Variants in CFAP221 observed in about 807,000 individuals in gnomAD.
CFAP221 encodes the protein cilia- and flagella-associated protein 221.
Under a neutral mutation model 113.1 loss-of-function variants are expected in CFAP221, and 97 were observed. That is an observed-to-expected ratio of 0.86 (90% CI 0.73 to 1.02). CFAP221 has a LOEUF of 1.02. Among genes scored for constraint, CFAP221 ranks in the 50% least tolerant of loss-of-function variants. The pLI, the probability that CFAP221 is intolerant of heterozygous loss-of-function variation, is 0.00. For synonymous variants in CFAP221, 331 were observed against 354.4 expected (o/e 0.93, Z 0.74); for missense variants, 1,025 against 1,013.4 (o/e 1.01, Z -0.16).
At chr2:119,556,543 C>A (rs1465949760) in intron 3 of CFAP221, among the ~76,000 whole-genome samples, 1 of 150,432 alleles carries the variant, frequency 6.6e-6, no homozygotes, top group Non-Finnish European at 1.5e-5. Flanking sequence ...TTTCTTATTG[C>A]TAAATTTTTT....
At chr2:119,570,464 CATGCA>C (rs1681965035) in intron 6 of CFAP221, among the ~76,000 whole-genome samples, 1 of 152,202 alleles carries the variant, frequency 6.6e-6, no homozygotes, top group Non-Finnish European at 1.5e-5. Flanking sequence ...ACTATCACCA[CATGCA>C]AGTTTAGAAC....
intron 21 of CFAP221, among the ~76,000 whole-genome samples, chr2:119,645,031 G>A (rs1232330871): frequency 1.7e-5 from 2 of 119,260 alleles, no homozygotes; most frequent in Non-Finnish European, 3.2e-5. Context: ...CTTTGGGTAT[G>A]TAGTCAAATA....
rs867039235 is a variant in CFAP221, at chr2:119,562,695, G to C, written c.527+581G>C. On this transcript the variant is annotated intron_variant, in intron 6 of 23. Transcript: ENST00000413369. ...CCTTTTTTTGGTGAATGATTCCAAT[G>C]TAATTTAAGGAATGTCTTGTTCTTT... 5.9e-5 allele frequency among the ~76,000 whole-genome samples: 9 copies of C among 152,298 alleles called. No individual in the cohort carries two copies. In the Middle Eastern group the frequency reaches 0.017, roughly 288 times the overall value.
At chr2:119,659,935 A>G (rs946419631), downstream of CFAP221, among the ~76,000 whole-genome samples, 3 of 152,196 alleles carry the variant, frequency 2.0e-5, no homozygotes, top group African/African-American at 7.2e-5. Context: ...GCTTAATACC[A>G]TGCTGTGCAC....
intron 17 of CFAP221, among the ~76,000 whole-genome samples, chr2:119,630,228 TATAAG>T (rs1686672519): frequency 1.3e-5 from 2 of 152,256 alleles, no homozygotes; most frequent in African/African-American, 2.4e-5. Context: ...CAAGAAAAAA[TATAAG>T]ATAAAGTGAG....
At chr2:119,651,034 A>G (rs890051535) in intron 22 of CFAP221, among the ~76,000 whole-genome samples, 2 of 152,220 alleles carry the variant, frequency 1.3e-5, no homozygotes, top group Non-Finnish European at 2.9e-5. Context: ...CACTGAAACT[A>G]GAGGCTAAGT....
At chr2:119,571,061 TC>T (rs1470877966) in intron 6 of CFAP221, among the ~76,000 whole-genome samples, 2 of 149,852 alleles carry the variant, frequency 1.3e-5, no homozygotes, top group Non-Finnish European at 3.0e-5. Flanking sequence ...CATGGTGAAA[TC>T]CCATCTCCAC....
At chr2:119,611,262 G>T (rs1685139075) in intron 12 of CFAP221, among the ~76,000 whole-genome samples, 2 of 151,910 alleles carry the variant, frequency 1.3e-5, no homozygotes, top group Non-Finnish European at 2.9e-5. Context: ...TAAGTGTCTT[G>T]GAAATAATTT....
chr2:119,631,790 A>C (rs903623944), intron 19 of CFAP221, among the ~76,000 whole-genome samples: 8 of 152,210 alleles, frequency 5.3e-5, no homozygotes, highest in Admixed American at 5.2e-4. Flanking sequence ...AAAAAGGCAA[A>C]AGGCACAAAT....
chr2:119,632,373 GTT>G (rs1260998241), intron 19 of CFAP221, among the ~76,000 whole-genome samples: 2 of 152,274 alleles, frequency 1.3e-5, no homozygotes, highest in African/African-American at 4.8e-5. Context: ...ACTCACTGTA[GTT>G]TACATATAAC....
intron 8 of CFAP221, chr2:119,602,490 G>A (rs1684432873): frequency 2.5e-6 from 1 of 392,170 alleles, no homozygotes. Context: ...TTTGCGCATG[G>A]ATACACATCA....
rs186582879 is a variant in CFAP221 at position 119,548,562 on chromosome 2, C to T, written c.140-523C>T. On this transcript the variant is annotated intron_variant, in intron 2 of 23. Transcript: ENST00000413369. Reference sequence around the variant, plus strand: ...GACACCAAAAGCAGTTTGAGACTTACTGTTCCGAGTGATAACTTTTCAGAG... The same window carrying T: ...GACACCAAAAGCAGTTTGAGACTTATTGTTCCGAGTGATAACTTTTCAGAG... 2.1e-3 allele frequency among the ~76,000 whole-genome samples: 327 copies of T among 152,338 alleles called. 4 individuals carry two copies. The highest frequency in any genetic ancestry group is 2.0e-3 in the Non-Finnish European group (135 of 68,026).
intron 6 of CFAP221, among the ~76,000 whole-genome samples, chr2:119,567,834 C>G (rs1268750289): frequency 2.6e-5 from 4 of 152,020 alleles, no homozygotes; most frequent in African/African-American, 9.7e-5. Context: ...TAATTGTTGC[C>G]CTTGTACTTT....
In CFAP221 at chr2:119,610,997, CA is replaced by C. The variant is rs1685111994; in HGVS notation, c.1222-655del. 2.0e-5 allele frequency among the ~76,000 whole-genome samples: 3 copies of C among 152,196 alleles called. No homozygotes were observed. In the South Asian group the frequency reaches 6.2e-4, roughly 32 times the overall value. On this transcript the variant is annotated intron_variant, in intron 12 of 23. Transcript: ENST00000413369. ...AAGGGCCCAGGCGTCATCAGGGAAG[CA>C]GGCAGGTGAAGGAAGGAGAGCAGTC...
intron 20 of CFAP221, 79 bp from the exon 21 acceptor site, chr2:119,639,702 A>G: frequency 8.7e-7 from 1 of 1,153,876 alleles, no homozygotes. Flanking sequence ...AGTCTGAAAA[A>G]TAGTTGAATA....
Position 119,552,727 on chromosome 2 carries a change from T to C in CFAP221, c.240+3542T>C, listed in dbSNP as rs1359484290. 4.7e-5 allele frequency among the ~76,000 whole-genome samples: 4 copies of C among 84,550 alleles called. 2 individuals are homozygous for C. The highest frequency in any genetic ancestry group is 1.9e-4 in the African/African-American group (4 of 21,380). The allele number at this position is 84,550 out of a possible 152,430, so 55.5% of individuals were successfully genotyped here. A position where few individuals can be genotyped will look rare whatever the true frequency, so the allele number is the denominator to read the frequency against. On this transcript the variant is annotated intron_variant, in intron 3 of 23. Coordinates refer to ENST00000413369, the MANE Select transcript of CFAP221 (RefSeq NM_001271049.2). ...GAAATAAATAGAAATATTTCTTTCT[T>C]TAATAAGAAATAAATAGAAATATTT...
At chr2:119,658,335 GTTA>G (rs1341855863), downstream of CFAP221, among the ~76,000 whole-genome samples, 1 of 152,158 alleles carries the variant, frequency 6.6e-6, no homozygotes, top group Non-Finnish European at 1.5e-5. Context: ...AGCCCCTCAG[GTTA>G]CACCTCTGAC....
chr2:119,602,186 C>G (rs1684407866), intron 8 of CFAP221, among the ~76,000 whole-genome samples: 1 of 152,112 alleles, frequency 6.6e-6, no homozygotes, highest in African/African-American at 2.4e-5. Flanking sequence ...TCAAGACCAG[C>G]CTGGCCAACA....
At chr2:119,590,080 TCAC>T (rs1253489818) in intron 7 of CFAP221, 4 of 152,200 alleles carry the variant, frequency 2.6e-5, no homozygotes, top group Admixed American at 6.5e-5. Flanking sequence ...TCCCTTGTTG[TCAC>T]AAATGCTAGG....
Sources: allele counts gnomAD v4.1 joint callset (sites outside exome capture counted in the v4.1 genomes callset), GRCh38; gene constraint gnomAD v4.1.1; transcripts MANE v1.5; gene names NCBI Gene and HGNC (gene_info 2026-07-23, HGNC 2026-07-21).